Variants in GRM8 observed in about 807,000 individuals in gnomAD.
GRM8 encodes metabotropic glutamate receptor 8.
Under a neutral mutation model 87.2 loss-of-function variants are expected in GRM8, and 47 were observed. The ratio of observed to expected loss-of-function variants is 0.54; its 90% confidence interval spans 0.43 to 0.69. The LOEUF is 0.69. GRM8 is among the 30% of genes least tolerant of loss of function. The pLI, the probability that GRM8 is intolerant of heterozygous loss-of-function variation, is 0.00. For synonymous variants in GRM8, 396 were observed against 404.5 expected, an observed-to-expected ratio of 0.98 and a Z score of 0.25; for missense variants, 1,019 against 1,139.2, an observed-to-expected ratio of 0.89 and a Z score of 1.52.
At chr7:127,120,067 A>C (rs957614762) in intron 2 of GRM8, among the ~76,000 whole-genome samples, 22 of 152,280 alleles carry the variant, frequency 1.4e-4, no homozygotes, top group African/African-American at 5.3e-4. Flanking sequence ...TCCCAGCATA[A>C]ACTGAAGATC....
At chr7:126,858,485 T>C (rs777280068) in intron 6 of GRM8, among the ~76,000 whole-genome samples, 1 of 152,096 alleles carries the variant, frequency 6.6e-6, no homozygotes, top group Non-Finnish European at 1.5e-5. Flanking sequence ...TAAATAAAAA[T>C]TATAGAAGTC....
At chr7:126,986,266 T>G (rs1812056716) in intron 3 of GRM8, among the ~76,000 whole-genome samples, 1 of 152,144 alleles carries the variant, frequency 6.6e-6, no homozygotes, top group Non-Finnish European at 1.5e-5. Flanking sequence ...TGCCTCTGCC[T>G]CCCAAAGTGC....
intron 8 of GRM8, among the ~76,000 whole-genome samples, chr7:126,563,147 A>T (rs1001964962): frequency 4.6e-5 from 7 of 152,148 alleles, no homozygotes; most frequent in Admixed American, 1.3e-4. Context: ...GCACTTAGGC[A>T]TCTGGCCTTG....
chr7:126,450,405 T>G (rs1802483968), intron 9 of GRM8, among the ~76,000 whole-genome samples: 1 of 151,972 alleles, frequency 6.6e-6, no homozygotes, highest in African/African-American at 2.4e-5. Flanking sequence ...GATGGTTTAA[T>G]CTTACCACTT....
intron 7 of GRM8, among the ~76,000 whole-genome samples, chr7:126,738,144 A>C (rs531038087): frequency 1.3e-5 from 2 of 152,244 alleles, no homozygotes; most frequent in Admixed American, 6.6e-5. Flanking sequence ...GCCAGAGAAA[A>C]GGGCACATAC....
intron 3 of GRM8, among the ~76,000 whole-genome samples, chr7:127,028,761 T>C (rs1269235019): frequency 6.6e-6 from 1 of 152,196 alleles, no homozygotes; most frequent in Non-Finnish European, 1.5e-5. Context: ...ATCAATTTTG[T>C]TGATCTTTTC....
In GRM8 at chr7:126,891,084, C is replaced by A. The variant is rs139020014; in HGVS notation, c.1156+11458G>T. On this transcript the variant is annotated intron_variant, in intron 6 of 10. Coordinates refer to ENST00000339582, the MANE Select transcript of GRM8 (RefSeq NM_000845.3). ...AAAATTCATCATCCTCCTTCCCCCT[C>A]TTCCCCAATCATTCATTATATCAGG... Among the ~76,000 whole-genome samples, 288 of 152,198 alleles carry A rather than the reference C, an allele frequency of 1.9e-3. 1 individual carries two copies. The highest frequency in any genetic ancestry group is 3.5e-3 in the Non-Finnish European group (239 of 67,980).
At chr7:126,833,302 A>G (rs1474024572) in intron 6 of GRM8, among the ~76,000 whole-genome samples, 3 of 152,222 alleles carry the variant, frequency 2.0e-5, no homozygotes, top group Non-Finnish European at 4.4e-5. Flanking sequence ...GCGAGAACTT[A>G]TCATCTGAGT....
intron 3 of GRM8, among the ~76,000 whole-genome samples, chr7:126,966,883 C>T (rs1039861472): frequency 5.3e-5 from 8 of 152,150 alleles, no homozygotes; most frequent in African/African-American, 1.7e-4. Context: ...GGACAAAAGT[C>T]ATGGGGCAGG....
chr7:126,488,030 A>G (rs1807573794), intron 9 of GRM8, among the ~76,000 whole-genome samples: 1 of 152,028 alleles, frequency 6.6e-6, no homozygotes, highest in African/African-American at 2.4e-5. Flanking sequence ...ACCTAACCTC[A>G]TAAGAGCTTT....
intron 7 of GRM8, among the ~76,000 whole-genome samples, chr7:126,629,015 G>A (rs936123762): frequency 1.3e-5 from 2 of 152,012 alleles, no homozygotes; most frequent in Admixed American, 6.6e-5. Context: ...AAAAAATGGG[G>A]AAAATCCACA....
chr7:126,468,271 G>A (rs1161966957), intron 9 of GRM8, among the ~76,000 whole-genome samples: 2 of 151,946 alleles, frequency 1.3e-5, no homozygotes, highest in African/African-American at 4.8e-5. Flanking sequence ...AATATTTGAA[G>A]GTTTTGTATC....
chr7:126,663,089 C>T (rs1238006464), intron 7 of GRM8, among the ~76,000 whole-genome samples: 1 of 152,192 alleles, frequency 6.6e-6, no homozygotes, highest in Non-Finnish European at 1.5e-5. Context: ...TAATAGACCT[C>T]CTTTCCATTT....
chr7:126,684,157 G>A (rs1364905056), intron 7 of GRM8, among the ~76,000 whole-genome samples: 1 of 152,230 alleles, frequency 6.6e-6, no homozygotes. Context: ...TCATACTTAG[G>A]GCACGATCAC....
At chr7:127,195,810 T>C (rs909479724) in intron 2 of GRM8, among the ~76,000 whole-genome samples, 8 of 152,308 alleles carry the variant, frequency 5.3e-5, no homozygotes, top group African/African-American at 1.7e-4. Context: ...GGGCTACTTG[T>C]GTACTTGCCT....
At chr7:127,072,287 A>G (rs1475776571) in intron 3 of GRM8, among the ~76,000 whole-genome samples, 1 of 152,186 alleles carries the variant, frequency 6.6e-6, no homozygotes, top group African/African-American at 2.4e-5. Context: ...CAAACTCTCC[A>G]TTCACATTTT....
chr7:127,062,862 C>T (rs1820752075), intron 3 of GRM8, among the ~76,000 whole-genome samples: 1 of 152,086 alleles, frequency 6.6e-6, no homozygotes, highest in Non-Finnish European at 1.5e-5. Flanking sequence ...AGTAATATTC[C>T]CTTCATCATT....
chr7:126,785,118 GCT>G (rs1308920758), intron 6 of GRM8, among the ~76,000 whole-genome samples: 3 of 152,156 alleles, frequency 2.0e-5, no homozygotes, highest in Non-Finnish European at 4.4e-5. Flanking sequence ...GGACTCCTGG[GCT>G]CAAGCAATCC....
chr7:126,967,197 T>C (rs1809965214), intron 3 of GRM8, among the ~76,000 whole-genome samples: 1 of 152,062 alleles, frequency 6.6e-6, no homozygotes. Flanking sequence ...CTTTCTCCCT[T>C]TATATATCAT....
Sources: allele counts gnomAD v4.1 joint callset (sites outside exome capture counted in the v4.1 genomes callset), GRCh38; gene constraint gnomAD v4.1.1; transcripts MANE v1.5; gene names NCBI Gene and HGNC (gene_info 2026-07-23, HGNC 2026-07-21).